Variants in ADGRF5 observed in about 807,000 individuals in gnomAD.
ADGRF5 encodes adhesion G protein-coupled receptor F5.
A neutral mutation model predicts 132.3 loss-of-function variants in ADGRF5; 75 were observed. The observed-to-expected ratio is 0.57, with a 90% CI of 0.47 to 0.69. The LOEUF is 0.69. Among genes scored for constraint, ADGRF5 ranks in the 30% least tolerant of loss-of-function variants. ADGRF5 has a pLI of 0.00. For synonymous variants in ADGRF5, 629 were observed against 597.6 expected, an observed-to-expected ratio of 1.05 and a Z score of -0.77; for missense variants, 1,516 against 1,630.6, an observed-to-expected ratio of 0.93 and a Z score of 1.21.
chr6:46,879,797 A>G (rs1772245008), intron 9 of ADGRF5, 21 bp downstream of exon 9: 1 of 1,479,728 alleles, frequency 6.8e-7, no homozygotes, highest in Non-Finnish European at 9.5e-7. Flanking sequence ...TCCTCACACA[A>G]GTTACTGAAT....
intron 3 of ADGRF5, among the ~76,000 whole-genome samples, chr6:46,891,612 C>G (rs1773646026): frequency 6.6e-6 from 1 of 152,174 alleles, no homozygotes; most frequent in Admixed American, 6.5e-5. Flanking sequence ...ATCCCAGGAC[C>G]TGATCCCACA....
chr6:46,930,871 G>A (rs1777525327), intron 1 of ADGRF5, among the ~76,000 whole-genome samples: 1 of 152,004 alleles, frequency 6.6e-6, no homozygotes, highest in South Asian at 2.1e-4. Context: ...TGGGCAACAT[G>A]GTAGGACCCC....
intron 11 of ADGRF5, among the ~76,000 whole-genome samples, chr6:46,871,212 C>T (rs150030334): frequency 2.6e-4 from 40 of 152,242 alleles, no homozygotes; most frequent in Middle Eastern, 6.8e-3. Flanking sequence ...TGAATGTCCT[C>T]TTTTTACACG....
rs61302381 is a variant in ADGRF5, at chr6:46,953,651, GTATATA to G, written c.-25+1077_-25+1082del. On this transcript the variant is annotated intron_variant, in intron 1 of 20. Coordinates refer to the ADGRF5 transcript ENST00000265417. ...AAATTATATATATATAGATATATGTGTATATATATATATATATATATATATATATAT... is the reference window on the plus strand; with the variant it reads ...AAATTATATATATATAGATATATGTGTATATATATATATATATATATATAT... 9.6e-3 allele frequency among the ~76,000 whole-genome samples: 406 copies of G among 42,168 alleles called. 7 individuals carry two copies. The highest frequency in any genetic ancestry group is 0.022 in the Admixed American group (58 of 2,668). The allele number at this position is 42,168 out of a possible 152,430, so 27.7% of individuals were successfully genotyped here. A position where few individuals can be genotyped will look rare whatever the true frequency, so the allele number is the denominator to read the frequency against.
At chr6:46,869,168 T>C in intron 11 of ADGRF5, 76 bp from the exon 12 acceptor site, 1 of 1,543,188 alleles carries the variant, frequency 6.5e-7, no homozygotes, top group South Asian at 1.2e-5. Context: ...GACATTAACA[T>C]ATGACTGAAA....
chr6:46,859,817 CTATTTTATTT>C (rs55664341), intron 16 of ADGRF5, among the ~76,000 whole-genome samples: 71 of 146,178 alleles, frequency 4.9e-4, no homozygotes, highest in Middle Eastern at 3.5e-3. Context: ...GGGATATTTA[CTATTTTATTT>C]TATTTTATTT....
At chr6:46,874,970 C>A (rs1241565453) in intron 10 of ADGRF5, among the ~76,000 whole-genome samples, 1 of 152,168 alleles carries the variant, frequency 6.6e-6, no homozygotes, top group African/African-American at 2.4e-5. Context: ...CAGTTCCACC[C>A]AGCAAAGAAT....
chr6:46,867,494 C>T (rs983097669), intron 12 of ADGRF5, among the ~76,000 whole-genome samples: 1 of 152,170 alleles, frequency 6.6e-6, no homozygotes, highest in African/African-American at 2.4e-5. Flanking sequence ...TTGCCGTGCG[C>T]AGAGGTGGGG....
chr6:46,868,588 A>G (rs575367886), intron 12 of ADGRF5, among the ~76,000 whole-genome samples: 1 of 152,342 alleles, frequency 6.6e-6, no homozygotes, highest in Non-Finnish European at 1.5e-5. Context: ...TAGTGAAAGT[A>G]CTTTTAAAAA....
At chr6:46,913,986 G>A (rs1487440270) in intron 1 of ADGRF5, among the ~76,000 whole-genome samples, 2 of 152,180 alleles carry the variant, frequency 1.3e-5, no homozygotes, top group Non-Finnish European at 2.9e-5. Context: ...CTGGGATACA[G>A]ACTACGATCA....
chr6:46,863,889 G>A (rs1770071482), intron 14 of ADGRF5, among the ~76,000 whole-genome samples: 1 of 152,236 alleles, frequency 6.6e-6, no homozygotes, highest in African/African-American at 2.4e-5. Context: ...AAAAGAAGAG[G>A]TGACCTTTGC....
intron 2 of ADGRF5, among the ~76,000 whole-genome samples, chr6:46,902,490 T>C (rs1774877994): frequency 6.6e-6 from 1 of 152,248 alleles, no homozygotes; most frequent in African/African-American, 2.4e-5. Flanking sequence ...TAATGCAGCA[T>C]ATTTCAACTC....
chr6:46,894,902 G>A (rs994507162), intron 3 of ADGRF5, among the ~76,000 whole-genome samples: 17 of 152,220 alleles, frequency 1.1e-4, no homozygotes, highest in Non-Finnish European at 1.6e-4. Flanking sequence ...TTAAGGGCCT[G>A]GTGTGGAGGC....
intron 2 of ADGRF5, among the ~76,000 whole-genome samples, chr6:46,904,884 A>G (rs529487967): frequency 6.6e-6 from 1 of 152,262 alleles, no homozygotes; most frequent in East Asian, 1.9e-4. Flanking sequence ...GCATGAAGAC[A>G]TTATACCTTG....
At chr6:46,863,795 A>T (rs534351358) in intron 14 of ADGRF5, among the ~76,000 whole-genome samples, 65 of 152,360 alleles carry the variant, frequency 4.3e-4, no homozygotes, top group Middle Eastern at 3.4e-3. Flanking sequence ...TAGGAAAAAG[A>T]AGCGAAACCA....
intron 1 of ADGRF5, among the ~76,000 whole-genome samples, chr6:46,938,944 C>G (rs1484793397): frequency 3.3e-5 from 5 of 151,444 alleles, no homozygotes; most frequent in African/African-American, 1.2e-4. Flanking sequence ...AATCTTGGCT[C>G]ACTGCAACCT....
At chr6:46,869,166 C>T (rs1303973643) in intron 11 of ADGRF5, 74 bp from the exon 12 acceptor site, 2 of 1,540,090 alleles carry the variant, frequency 1.3e-6, no homozygotes, top group Admixed American at 1.9e-5. Flanking sequence ...GGGACATTAA[C>T]ATATGACTGA....
chr6:46,933,161 A>G (rs1184827441), intron 1 of ADGRF5, among the ~76,000 whole-genome samples: 1 of 152,174 alleles, frequency 6.6e-6, no homozygotes, highest in Non-Finnish European at 1.5e-5. Flanking sequence ...ATGCTGCAAA[A>G]CCACAGAGCT....
At chr6:46,877,285 TTCTTTCTCTC>T (rs1315617844) in intron 10 of ADGRF5, among the ~76,000 whole-genome samples, 3 of 60,924 alleles carry the variant, frequency 4.9e-5, no homozygotes, top group East Asian at 3.9e-4. Context: ...CTTTCTTTCT[TTCTTTCTCTC>T]TCTCTCTCTC....
Sources: allele counts gnomAD v4.1 joint callset (sites outside exome capture counted in the v4.1 genomes callset), GRCh38; gene constraint gnomAD v4.1.1; transcripts MANE v1.5; gene names NCBI Gene and HGNC (gene_info 2026-07-23, HGNC 2026-07-21).